The following ABCA3 variants were observed in gnomAD, a reference collection of about 807,000 sequenced individuals.
ABCA3 encodes phospholipid-transporting ATPase ABCA3.
In ABCA3, 88 loss-of-function variants were observed where a neutral mutation model predicts 172.8. That is an observed-to-expected ratio of 0.51 (90% CI 0.43 to 0.61). The LOEUF is 0.61. Among genes scored for constraint, ABCA3 ranks in the 20% least tolerant of loss-of-function variants. The probability of loss-of-function intolerance (pLI) is 0.00; values close to 1 mark genes in which losing one functional copy is unlikely to be tolerated. For synonymous variants in ABCA3, 1,066 were observed against 983.8 expected (o/e 1.08, Z -1.56); for missense variants, 2,164 against 2,301.0 (o/e 0.94, Z 1.22).
At chr16:2,290,659 T>C (rs1232469960) in intron 19 of ABCA3, among the ~76,000 whole-genome samples, 1 of 152,222 alleles carries the variant, frequency 6.6e-6, no homozygotes, top group Non-Finnish European at 1.5e-5. Flanking sequence ...AGTCAGTCAG[T>C]GCTCGGTCCT....
chr16:2,277,768 G>C lies in ABCA3; in HGVS notation c.4910-98C>G. On this transcript the variant is annotated intron_variant, in intron 31 of 32. Transcript: ENST00000301732. This position sits in a 1 kb window ranked among gnomAD's most constrained non-coding sequence, Gnocchi z 5.3. The stretch of plus-strand genomic sequence containing the variant: ...ACTGGAGTCCTCGTCCCAGGGATTG[G>C]GGAGATGGGACTTGGCGGGGCGAGG... 6.3e-7 allele frequency: 1 copy of C among 1,592,472 alleles called. No homozygotes were observed.
intron 14 of ABCA3, 105 bp from the exon 15 acceptor site, chr16:2,298,645 G>A: frequency 6.9e-7 from 1 of 1,443,526 alleles, no homozygotes; most frequent in South Asian, 1.2e-5. Flanking sequence ...TTTCCTCTGA[G>A]GACCCTGCCC....
intron 3 of ABCA3, 106 bp downstream of exon 3, chr16:2,328,347 T>A (rs1032849374): frequency 2.8e-6 from 1 of 358,074 alleles, no homozygotes; most frequent in Non-Finnish European, 5.6e-6. Flanking sequence ...CTGGGCAACA[T>A]AGCAAGACCC....
Position 2,284,298 on chromosome 16 carries a change from G to C in ABCA3, c.3843C>G (p.Ala1281=), listed in dbSNP as rs1366102954. Residue 1281 remains alanine, a synonymous_variant, in exon 25 of 33, where the codon GCC becomes GCG. Coordinates refer to ENST00000301732, the MANE Select transcript of ABCA3 (RefSeq NM_001089.3). This position sits in a 1 kb window ranked among gnomAD's most constrained non-coding sequence, Gnocchi z 5.9. ...RRYCTSSEVA[A]HYCKKYNIQY... is the part of the protein sequence containing the mutation. ...ACTCACTATATTTCTTGCAGTAGTG[G>C]GCGGCGACCTCGGAGGAGGTGCAGT... The C allele has an allele frequency of 6.2e-7, 1 of 1,613,722 alleles. No individual in the cohort carries two copies.
In ABCA3 at chr16:2,277,954, G is replaced by A. The variant is rs748547109; in HGVS notation, c.4834C>T (p.Arg1612Trp). ...KSKFGSGYSL[R>W]AKVQSEGQQE... The stretch of plus-strand genomic sequence containing the variant: ...TGCCCTTCACTCTGCACCTTGGCCC[G>A]CAGGGAGTAGCCGCTGCCGAACTTG... Residue 1612 changes from arginine (R) to tryptophan (W), a missense_variant, in exon 31 of 33, where the codon CGG (arginine) becomes TGG (tryptophan). Coordinates refer to ENST00000301732, the MANE Select transcript of ABCA3 (RefSeq NM_001089.3). The surrounding 1 kb of genome is among the most constrained non-coding windows in gnomAD (Gnocchi z 5.3). The A allele has an allele frequency of 6.8e-6, 11 of 1,612,188 alleles. No individual in the cohort carries two copies. In the Admixed American group the frequency reaches 8.3e-5, roughly 12 times the overall value.
At position 2,279,247 on chromosome 16, in the gene ABCA3, C is replaced by A; in HGVS notation, c.4360-117G>T. On this transcript the variant is annotated intron_variant, in intron 28 of 32. Coordinates refer to ENST00000301732, the MANE Select transcript of ABCA3 (RefSeq NM_001089.3). The surrounding 1 kb of genome is among the most constrained non-coding windows in gnomAD (Gnocchi z 4.4). ...CACTGCGCCTGTCTGTGGTTCCTGC[C>A]AGTGTGTGTACACGGGGGCGCTGGA... 7.9e-7 allele frequency: 1 copy of A among 1,267,306 alleles called. No individual in the cohort carries two copies. Among genetic ancestry groups the A allele is most frequent in the Non-Finnish European group, 1.1e-6 (1 of 904,598 alleles). 78.5% of individuals were successfully genotyped at this position (1,267,306 alleles called of 1,614,324 possible).
At chr16:2,332,373 G>T (rs775691193) in intron 1 of ABCA3, 132 of 887,098 alleles carry the variant, frequency 1.5e-4, no homozygotes, top group Non-Finnish European at 2.0e-4. Flanking sequence ...TTTTGGACTC[G>T]CAGGGACGGG....
At chr16:2,290,642 C>T (rs1482861489) in intron 19 of ABCA3, among the ~76,000 whole-genome samples, 1 of 152,176 alleles carries the variant, frequency 6.6e-6, no homozygotes, top group East Asian at 1.9e-4. Flanking sequence ...CCAGGATTCA[C>T]AGAATCAGTC....
chr16:2,327,058 T>C (rs991997161), intron 3 of ABCA3, among the ~76,000 whole-genome samples: 1 of 152,212 alleles, frequency 6.6e-6, no homozygotes, highest in Non-Finnish European at 1.5e-5. Flanking sequence ...CCTTGGTGAA[T>C]GTAAGATCAA....
At position 2,278,297 on chromosome 16, in the gene ABCA3, GTGA is replaced by G. The variant is rs1328124598; in HGVS notation, c.4706_4708del (p.Ile1569del). The G allele has an allele frequency of 1.2e-6, 2 of 1,608,512 alleles. No homozygotes were observed. Among genetic ancestry groups the G allele is most frequent in the Non-Finnish European group, 1.7e-6 (2 of 1,179,980 alleles). ...CAGACCCAGGCTCTACCTGTGGGAG[GTGA>G]TGATGATGGCCTTGCCAGACTCTCG... On this transcript the variant is annotated inframe_deletion, in exon 30 of 33. Transcript: ENST00000301732. This position sits in a 1 kb window ranked among gnomAD's most constrained non-coding sequence, Gnocchi z 4.4.
Position 2,283,215 on chromosome 16 carries a change from G to C in ABCA3, c.4006C>G (p.Leu1336Val). 6.2e-7 allele frequency: 1 copy of C among 1,613,378 alleles called. No homozygotes were observed. Among genetic ancestry groups the C allele is most frequent in the Non-Finnish European group, 8.5e-7 (1 of 1,179,998 alleles). The change falls in exon 26 of 33, where the codon CTC becomes GTC. Residue 1336 changes from leucine (L) to valine (V), a missense_variant. Physicochemically the swap from Leu to Val is conservative, Grantham distance 32 (BLOSUM62 1). This residue lies in a region of ABCA3 where 795 missense variants were observed against 881.9 expected (regional missense o/e 0.90). Transcript: ENST00000301732. This position sits in a 1 kb window ranked among gnomAD's most constrained non-coding sequence, Gnocchi z 5.4. Reference protein sequence around the residue: ...TNLLQRLRGILCALRRRRTLT... With the variant: ...TNLLQRLRGIVCALRRRRTLT... ...GTCCGCCTCCTCCGGAGGGCGCAGA[G>C]GATGCCCCTGAGTCTCTGAAGCAGG...
rs1423631106 is a variant in ABCA3, at chr16:2,286,485, G to A, written c.3278+209C>T. 2.0e-5 allele frequency among the ~76,000 whole-genome samples: 3 copies of A among 152,224 alleles called. No homozygotes were observed. The highest frequency in any genetic ancestry group is 4.4e-5 in the Non-Finnish European group (3 of 68,050). ...GCCTTCATGGGTCCCCGTGAGGACC[G>A]CAGTGCATGGGATGGCCCACAGCTG... is the stretch of plus-strand genomic sequence containing the variant. On this transcript the variant is annotated intron_variant, in intron 22 of 32. Coordinates refer to ENST00000301732, the MANE Select transcript of ABCA3 (RefSeq NM_001089.3). This position sits in a 1 kb window ranked among gnomAD's most constrained non-coding sequence, Gnocchi z 5.2.
At position 2,283,161 on chromosome 16, in the gene ABCA3, G is replaced by A; in HGVS notation, c.4035+25C>T. ...GAGACGTGGGGAGCATCTCGCCAGT[G>A]TCCTGGGCTCCCGGAGCCACTCACC... On this transcript the variant is annotated intron_variant, in intron 26 of 32. Transcript: ENST00000301732. The surrounding 1 kb of genome is among the most constrained non-coding windows in gnomAD (Gnocchi z 5.4). The A allele has an allele frequency of 1.2e-6, 2 of 1,610,238 alleles. No homozygotes were observed. The highest frequency in any genetic ancestry group is 2.2e-5 in the South Asian group (2 of 90,736).
At chr16:2,321,124 A>C (rs1461795742) in intron 7 of ABCA3, among the ~76,000 whole-genome samples, 1 of 152,074 alleles carries the variant, frequency 6.6e-6, no homozygotes, top group African/African-American at 2.4e-5. Context: ...TTGTTCCCCA[A>C]AAACAGGAGG....
chr16:2,298,960 C>A (rs554835433), intron 14 of ABCA3, among the ~76,000 whole-genome samples: 1 of 152,136 alleles, frequency 6.6e-6, no homozygotes, highest in Non-Finnish European at 1.5e-5. Flanking sequence ...GCTGCTCCTG[C>A]GTGGTGGCCT....
In ABCA3 at chr16:2,328,652, A is replaced by G. The variant is rs754102222; in HGVS notation, c.-226T>C. The G allele has an allele frequency of 4.3e-6, 2 of 465,016 alleles. No homozygotes were observed. Among genetic ancestry groups the G allele is most frequent in the Non-Finnish European group, 8.7e-6 (2 of 230,940 alleles). The allele number at this position is 465,016 out of a possible 1,614,324, so 28.8% of individuals were successfully genotyped here. A position where few individuals can be genotyped will look rare whatever the true frequency, so the allele number is the denominator to read the frequency against. ...GTGCTGGTCCACTCGCTACAACTGC[A>G]GGCAGAGAGGAGTCCTTCCCGCTCA... On this transcript the variant is annotated 5_prime_UTR_variant, in exon 3 of 33. Transcript: ENST00000301732.
intron 20 of ABCA3, 143 bp downstream of exon 20, chr16:2,289,291 C>T (rs1220076055): frequency 1.9e-5 from 19 of 1,017,186 alleles, no homozygotes; most frequent in Non-Finnish European, 2.7e-5. Flanking sequence ...CGGTGTGAGC[C>T]GCTGCCCGCC....
At position 2,308,484 on chromosome 16, in the gene ABCA3, C is replaced by T; in HGVS notation, c.1251G>A (p.Met417Ile). 2 of 1,614,212 alleles carry T rather than the reference C, an allele frequency of 1.2e-6. No individual in the cohort carries two copies. The highest frequency in any genetic ancestry group is 1.7e-6 in the Non-Finnish European group (2 of 1,180,028). The change falls in exon 11 of 33, where the codon ATG becomes ATA. Residue 417 changes from methionine to isoleucine, a missense_variant. Transcript: ENST00000301732. ...SCLLSNVAMA[M>I]GAQLIGKFEA... ...CAAATTTCCCAATGAGCTGGGCTCC[C>T]ATTGCCATGGCGACATTAGACAGGA...
rs1045444223 is a variant in ABCA3 at position 2,281,294 on chromosome 16, C to T, written c.4165-73G>A. The T allele has an allele frequency of 2.4e-5, 39 of 1,612,990 alleles. No homozygotes were observed. Among genetic ancestry groups the T allele is most frequent in the African/African-American group, 8.0e-5 (6 of 74,922 alleles). On this transcript the variant is annotated intron_variant, in intron 27 of 32. Coordinates refer to ENST00000301732, the MANE Select transcript of ABCA3 (RefSeq NM_001089.3). The surrounding 1 kb of genome is among the most constrained non-coding windows in gnomAD (Gnocchi z 4.7). ...AGCAGAGCAGTCTGAGCCTCAGCGC[C>T]GAAAGCTTCCAGGGATGGGGTCGGA...
Sources: gnomAD v4.1 joint callset for allele counts (sites outside exome capture counted in the v4.1 genomes callset) on GRCh38, gnomAD v4.1.1 for gene constraint, gnomAD v4.1.1 regional missense constraint, Gnocchi (gnomAD v3.1) non-coding constraint, MANE v1.5 for transcripts, NCBI Gene and HGNC (gene_info 2026-07-23, HGNC 2026-07-21) for gene names.